Variants in SPAG17 observed in about 807,000 individuals in gnomAD.
SPAG17 encodes the protein sperm associated antigen 17.
Under a neutral mutation model 273.6 loss-of-function variants are expected in SPAG17, and 169 were observed. The ratio of observed to expected loss-of-function variants is 0.62; its 90% CI spans 0.55 to 0.70. SPAG17 has a LOEUF of 0.70. Among genes scored for constraint, SPAG17 ranks in the 30% least tolerant of loss-of-function variants. The pLI is 0.00. For synonymous variants in SPAG17, 825 were observed against 873.2 expected (o/e 0.94, Z 0.97); for missense variants, 2,557 against 2,627.8 (o/e 0.97, Z 0.59).
intron 18 of SPAG17, among the ~76,000 whole-genome samples, chr1:118,060,574 T>C (rs1196463140): frequency 1.3e-5 from 2 of 152,218 alleles, no homozygotes; most frequent in East Asian, 3.8e-4. Context: ...ACCATTACAG[T>C]ATTAGAGTAT....
chr1:118,071,148 A>C (rs1276628983), intron 17 of SPAG17, among the ~76,000 whole-genome samples: 1 of 150,538 alleles, frequency 6.6e-6, no homozygotes, highest in East Asian at 2.0e-4. Flanking sequence ...ACAACCCCCC[A>C]CCCCACCTCA....
rs139251543 is a variant in SPAG17, at chr1:118,138,746, T to G, written c.315+11797A>C. 4.6e-5 allele frequency among the ~76,000 whole-genome samples: 7 copies of G among 152,318 alleles called. No individual in the cohort carries two copies. In the East Asian group the frequency reaches 1.3e-3, roughly 29 times the overall value. On this transcript the variant is annotated intron_variant, in intron 3 of 48. Coordinates refer to ENST00000336338, the MANE Select transcript of SPAG17 (RefSeq NM_206996.4). Reference sequence around the variant, plus strand: ...AAAATGGCTCATTATTTACTTCTTATAGTCTTTAATGGTATTTTGTTATTA... The same window carrying G: ...AAAATGGCTCATTATTTACTTCTTAGAGTCTTTAATGGTATTTTGTTATTA...
intron 7 of SPAG17, among the ~76,000 whole-genome samples, chr1:118,094,266 T>C (rs1655572487): frequency 6.6e-6 from 1 of 152,194 alleles, no homozygotes; most frequent in African/African-American, 2.4e-5. Context: ...TTCTAGGAAA[T>C]AGAGAAAGCT....
intron 1 of SPAG17, among the ~76,000 whole-genome samples, chr1:118,178,030 A>G (rs1660774946): frequency 6.6e-6 from 1 of 152,162 alleles, no homozygotes; most frequent in Admixed American, 6.5e-5. Context: ...TTCTTCAAAA[A>G]AATTGAGAAA....
At chr1:118,070,887 T>C (rs1455011830) in intron 17 of SPAG17, among the ~76,000 whole-genome samples, 2 of 152,194 alleles carry the variant, frequency 1.3e-5, no homozygotes, top group Non-Finnish European at 2.9e-5. Flanking sequence ...AGAAGTTACA[T>C]GTGACTAGTG....
chr1:118,019,721 C>T (rs764585123), intron 28 of SPAG17, among the ~76,000 whole-genome samples: 1 of 152,156 alleles, frequency 6.6e-6, no homozygotes, highest in Non-Finnish European at 1.5e-5. Flanking sequence ...ATTTTAAAGA[C>T]CGTTAGATTA....
chr1:117,988,308 G>T, intron 38 of SPAG17, 104 bp from the exon 39 acceptor site: 1 of 732,604 alleles, frequency 1.4e-6, no homozygotes, highest in Non-Finnish European at 2.1e-6. Context: ...AGCCTATATA[G>T]TTAATCTATC....
In SPAG17 at chr1:118,091,940, A is replaced by G. The variant is rs755245334; in HGVS notation, c.1236T>C (p.Ala412=). The part of the protein sequence containing the change: ...KKKAQYEEPQ[A]PPPVTSVITT... Reference sequence around the variant, plus strand: ...CGATTTCATACATGCCTGGTGGTGGAGCTTGCGGTTCTTCATACTGTGCTT... The same window carrying G: ...CGATTTCATACATGCCTGGTGGTGGGGCTTGCGGTTCTTCATACTGTGCTT... Residue 412 remains alanine, a synonymous_variant, in exon 9 of 49, where the codon GCT becomes GCC. Coordinates refer to ENST00000336338, the MANE Select transcript of SPAG17 (RefSeq NM_206996.4). The G allele has an allele frequency of 6.2e-7, 1 of 1,613,658 alleles. No homozygotes were observed. Among genetic ancestry groups the G allele is most frequent in the Non-Finnish European group, 8.5e-7 (1 of 1,179,646 alleles).
At chr1:118,174,638 T>C (rs1342851852) in intron 1 of SPAG17, among the ~76,000 whole-genome samples, 1 of 151,896 alleles carries the variant, frequency 6.6e-6, no homozygotes, top group East Asian at 1.9e-4. Context: ...CTCAACAAAC[T>C]CCAAGTATGA....
chr1:118,154,734 A>C (rs1433941044), intron 1 of SPAG17, among the ~76,000 whole-genome samples: 2 of 152,134 alleles, frequency 1.3e-5, no homozygotes, highest in Non-Finnish European at 2.9e-5. Context: ...ACAGGACAGA[A>C]AAAGAAATTT....
rs932726124 is a variant in SPAG17 at position 117,982,952 on chromosome 1, C to G, written c.5872+859G>C. 3.3e-5 allele frequency among the ~76,000 whole-genome samples: 5 copies of G among 152,108 alleles called. No homozygotes were observed. In the East Asian group the frequency reaches 9.6e-4, roughly 29 times the overall value. On this transcript the variant is annotated intron_variant, in intron 42 of 48. Coordinates refer to ENST00000336338, the MANE Select transcript of SPAG17 (RefSeq NM_206996.4). ...TGGTAGACATTTTTCTCTGTTTCCT[C>G]TTGATTAGATTCTGGATAAGGATTT...
intron 1 of SPAG17, among the ~76,000 whole-genome samples, chr1:118,169,165 T>A (rs1660305839): frequency 6.6e-6 from 1 of 152,218 alleles, no homozygotes; most frequent in Non-Finnish European, 1.5e-5. Flanking sequence ...ATACAAATGA[T>A]CACATATAAC....
intron 3 of SPAG17, among the ~76,000 whole-genome samples, chr1:118,119,254 T>C (rs866539361): frequency 6.6e-6 from 1 of 152,226 alleles, no homozygotes; most frequent in Admixed American, 6.5e-5. Flanking sequence ...CAAGAAGTCA[T>C]ATGAAGCAGC....
At position 118,052,606 on chromosome 1, in the gene SPAG17, AT is replaced by A. The variant is rs781536772; in HGVS notation, c.2814+1395del. ...GGTAATGCATATGTTAATCAGTTTGATTTAGCCATTTTATAATATGTACATA... is the reference window on the plus strand; with the variant it reads ...GGTAATGCATATGTTAATCAGTTTGATTAGCCATTTTATAATATGTACATA... On this transcript the variant is annotated intron_variant, in intron 20 of 48. Coordinates refer to ENST00000336338, the MANE Select transcript of SPAG17 (RefSeq NM_206996.4). Among the ~76,000 whole-genome samples, 4 of 152,072 alleles carry A rather than the reference AT, an allele frequency of 2.6e-5. No individual in the cohort carries two copies. The South Asian group carries it at 8.3e-4, about 31-fold the overall frequency.
intron 1 of SPAG17, among the ~76,000 whole-genome samples, chr1:118,152,092 C>G (rs1055540958): frequency 3.9e-5 from 6 of 152,290 alleles, no homozygotes; most frequent in Middle Eastern, 3.4e-3. Flanking sequence ...CTGGGGAAAG[C>G]TACTCACGCA....
intron 1 of SPAG17, among the ~76,000 whole-genome samples, chr1:118,161,062 A>G (rs1451900988): frequency 6.6e-6 from 1 of 152,262 alleles, no homozygotes; most frequent in Non-Finnish European, 1.5e-5. Context: ...CATTTATTAC[A>G]TTAGTATGAC....
At chr1:118,094,453 G>T (rs1252816013) in intron 7 of SPAG17, among the ~76,000 whole-genome samples, 1 of 152,104 alleles carries the variant, frequency 6.6e-6, no homozygotes, top group Non-Finnish European at 1.5e-5. Context: ...TAAAGCTTTT[G>T]TTACCTTGGT....
At chr1:118,061,346 A>G (rs146494139) in intron 18 of SPAG17, among the ~76,000 whole-genome samples, 98 of 152,360 alleles carry the variant, frequency 6.4e-4, no homozygotes, top group African/African-American at 2.2e-3. Flanking sequence ...TATATGATAG[A>G]ATAGCATTCA....
chr1:118,114,227 T>C (rs1656932473), intron 4 of SPAG17, among the ~76,000 whole-genome samples: 2 of 152,152 alleles, frequency 1.3e-5, no homozygotes, highest in Admixed American at 1.3e-4. Context: ...AGAGTTTCAC[T>C]AGATGGAAAA....
Sources: gnomAD v4.1 joint callset for allele counts (sites outside exome capture counted in the v4.1 genomes callset) on GRCh38, gnomAD v4.1.1 for gene constraint, MANE v1.5 for transcripts, NCBI Gene and HGNC (gene_info 2026-07-23, HGNC 2026-07-21) for gene names.